The following LHPP variants were observed in gnomAD, a reference collection of about 807,000 sequenced individuals.
LHPP encodes the protein hLHPP.
LHPP carries 24 observed loss-of-function variants against 30.3 expected under a neutral mutation model. The observed-to-expected ratio is 0.79, with a 90% CI of 0.57 to 1.11. LHPP has a LOEUF of 1.11. Among genes scored for constraint, LHPP ranks in the 50% most tolerant of loss-of-function variants. The pLI is 0.00. For synonymous variants in LHPP, 150 were observed against 157.1 expected (o/e 0.95, Z 0.34); for missense variants, 356 against 367.2 (o/e 0.97, Z 0.25).
chr10:124,545,090 C>T (rs1185015228), intron 6 of LHPP, among the ~76,000 whole-genome samples: 1 of 152,104 alleles, frequency 6.6e-6, no homozygotes, highest in Non-Finnish European at 1.5e-5. Flanking sequence ...CCCTGGTGCC[C>T]CCGCCCCCAG....
At chr10:124,463,205 T>A (rs1401782174) in intron 1 of LHPP, among the ~76,000 whole-genome samples, 3 of 131,442 alleles carry the variant, frequency 2.3e-5, no homozygotes, top group Non-Finnish European at 3.3e-5. Context: ...GTTAAAATAT[T>A]TGAAATTAAG....
intron 6 of LHPP, among the ~76,000 whole-genome samples, chr10:124,581,759 ATATG>A (rs780819777): frequency 2.0e-4 from 15 of 76,858 alleles, no homozygotes; most frequent in Non-Finnish European, 3.9e-4. Flanking sequence ...ATACATACAT[ATATG>A]TATATACACA....
rs79497706 is a variant in LHPP at position 124,476,905 on chromosome 10, C to A, written c.126-7234C>A. ...AGTGGCTAGCACTGCCCAGAGGCCCCGTTATTAAAAACATTTCAAGGCCGG... is the reference window on the plus strand; with the variant it reads ...AGTGGCTAGCACTGCCCAGAGGCCCAGTTATTAAAAACATTTCAAGGCCGG... On this transcript the variant is annotated intron_variant, in intron 1 of 6. Coordinates refer to ENST00000368842, the MANE Select transcript of LHPP (RefSeq NM_022126.4). Among the ~76,000 whole-genome samples, 1,924 of 152,242 alleles carry A rather than the reference C, an allele frequency of 0.013. 76 individuals carry two copies. In the East Asian group the frequency reaches 0.14, roughly 11 times the overall value.
chr10:124,468,080 G>C (rs930389960), intron 1 of LHPP, among the ~76,000 whole-genome samples: 2 of 152,174 alleles, frequency 1.3e-5, no homozygotes, highest in South Asian at 4.1e-4. Context: ...GGAGAAGGGG[G>C]TGTTGGGAAA....
intron 6 of LHPP, among the ~76,000 whole-genome samples, chr10:124,597,679 G>C (rs1948965259): frequency 6.6e-6 from 1 of 152,186 alleles, no homozygotes; most frequent in African/African-American, 2.4e-5. Flanking sequence ...CTGAAAAAGA[G>C]AGGAGGTGGG....
At chr10:124,571,948 G>A (rs904168373) in intron 6 of LHPP, among the ~76,000 whole-genome samples, 9 of 152,220 alleles carry the variant, frequency 5.9e-5, no homozygotes, top group Non-Finnish European at 1.2e-4. Context: ...CTAGGGGGGT[G>A]AGTGAGGGGT....
intron 6 of LHPP, among the ~76,000 whole-genome samples, chr10:124,558,138 C>T (rs1282541490): frequency 6.6e-6 from 1 of 152,120 alleles, no homozygotes; most frequent in Admixed American, 6.5e-5. Context: ...GCCAGCAGAT[C>T]TAGGGGAAAG....
At chr10:124,500,593 G>C (rs1242700567) in intron 5 of LHPP, among the ~76,000 whole-genome samples, 1 of 151,660 alleles carries the variant, frequency 6.6e-6, no homozygotes, top group Non-Finnish European at 1.5e-5. Flanking sequence ...ACGATTTTTG[G>C]ATGTAAATAC....
At chr10:124,565,913 G>T (rs1274561086) in intron 6 of LHPP, among the ~76,000 whole-genome samples, 1 of 152,244 alleles carries the variant, frequency 6.6e-6, no homozygotes, top group African/African-American at 2.4e-5. Flanking sequence ...GAAATCCAGG[G>T]TTGACACCCT....
Position 124,613,708 on chromosome 10 carries a change from C to G in LHPP, c.*348C>G, listed in dbSNP as rs1949233237. The G allele has an allele frequency of 2.7e-6, 1 of 367,042 alleles. No individual in the cohort carries two copies. The highest frequency in any genetic ancestry group is 5.1e-6 in the Non-Finnish European group (1 of 196,530). 22.7% of individuals were successfully genotyped at this position (367,042 alleles called of 1,614,324 possible). The stretch of plus-strand genomic sequence containing the variant: ...CCCAAATCCCAGAACTCACCACTCA[C>G]CATGGGCCTTTAAATGCAGTAAACT... On this transcript the variant is annotated 3_prime_UTR_variant, in exon 7 of 7. Coordinates refer to ENST00000368842, the MANE Select transcript of LHPP (RefSeq NM_022126.4).
intron 6 of LHPP, among the ~76,000 whole-genome samples, chr10:124,557,944 G>A (rs769719456): frequency 1.3e-5 from 2 of 152,238 alleles, no homozygotes; most frequent in Admixed American, 6.5e-5. Flanking sequence ...AGCCTGGGGC[G>A]GCCTCGGCTC....
intron 6 of LHPP, among the ~76,000 whole-genome samples, chr10:124,580,721 C>CTTTTTTTTTTTTTTTTTTTT (rs369288920): frequency 1.3e-5 from 1 of 75,728 alleles, no homozygotes; most frequent in East Asian, 5.6e-4. Context: ...TTTTTTTTTT[C>CTTTTTTTTTTTTTTTTTTTT]TTTTTTTTTT....
At chr10:124,570,988 T>G (rs1260473044) in intron 6 of LHPP, among the ~76,000 whole-genome samples, 1 of 152,224 alleles carries the variant, frequency 6.6e-6, no homozygotes, top group East Asian at 1.9e-4. Context: ...CTTTCCCATG[T>G]TGTTCTGTTC....
chr10:124,508,777 GT>G (rs781067906), intron 5 of LHPP, among the ~76,000 whole-genome samples: 6 of 152,208 alleles, frequency 3.9e-5, no homozygotes, highest in Middle Eastern at 3.4e-3. Context: ...CCAATTTTTT[GT>G]GTCTATATAT....
At chr10:124,472,218 C>T (rs1014868965) in intron 1 of LHPP, among the ~76,000 whole-genome samples, 50 of 151,982 alleles carry the variant, frequency 3.3e-4, no homozygotes, top group Non-Finnish European at 2.7e-4. Flanking sequence ...GAGGCTGAGG[C>T]GTGAGAATTG....
intron 6 of LHPP, among the ~76,000 whole-genome samples, chr10:124,525,242 C>A (rs1954704109): frequency 6.6e-6 from 1 of 152,256 alleles, no homozygotes; most frequent in South Asian, 2.1e-4. Context: ...GAGGGAACAT[C>A]TGGGTGGGTC....
At chr10:124,531,094 G>A (rs1954891191) in intron 6 of LHPP, among the ~76,000 whole-genome samples, 1 of 152,184 alleles carries the variant, frequency 6.6e-6, no homozygotes, top group South Asian at 2.1e-4. Flanking sequence ...CATGCTGTCT[G>A]CGCCCTTCAC....
intron 6 of LHPP, among the ~76,000 whole-genome samples, chr10:124,571,308 T>G (rs1239248891): frequency 6.6e-6 from 1 of 152,268 alleles, no homozygotes; most frequent in Non-Finnish European, 1.5e-5. Flanking sequence ...CGTTTCCAGT[T>G]GTCTTGGATA....
chr10:124,525,046 C>T (rs576925524), intron 6 of LHPP, among the ~76,000 whole-genome samples: 13 of 152,232 alleles, frequency 8.5e-5, no homozygotes, highest in Non-Finnish European at 1.3e-4. Context: ...CCCGCCTTGC[C>T]GTGGGCACAG....
Sources: allele counts gnomAD v4.1 joint callset (sites outside exome capture counted in the v4.1 genomes callset), GRCh38; gene constraint gnomAD v4.1.1; transcripts MANE v1.5; gene names NCBI Gene and HGNC (gene_info 2026-07-23, HGNC 2026-07-21).